RALGPS2: variants seen among roughly 807,000 people sequenced by gnomAD.
The protein encoded by RALGPS2 is ras-specific guanine nucleotide-releasing factor RalGPS2.
Under a neutral mutation model 86.8 loss-of-function variants are expected in RALGPS2, and 43 were observed. The ratio of observed to expected loss-of-function variants is 0.50; its 90% CI spans 0.39 to 0.64. RALGPS2 has a LOEUF of 0.64. Among genes scored for constraint, RALGPS2 ranks in the 30% least tolerant of loss-of-function variants. The pLI is 0.00. For missense variants in RALGPS2, 536 were observed against 694.6 expected (o/e 0.77, Z 2.57); for synonymous variants, 243 against 231.3 (o/e 1.05, Z -0.46).
chr1:178,773,768 C>CAA lies in RALGPS2; in HGVS notation c.-83-2914_-83-2913insAA, dbSNP rs201446916. Among the ~76,000 whole-genome samples the CAA allele has an allele frequency of 9.2e-3, 1,391 of 151,134 alleles. 11 individuals carry two copies. Among genetic ancestry groups the CAA allele is most frequent in the South Asian group, 0.028 (134 of 4,786 alleles). On this transcript the variant is annotated intron_variant, in intron 1 of 19. Transcript: ENST00000367635. Reference sequence around the variant, plus strand: ...CCAAGATCCCGCCACTGCACTCCAGCCTGGGCGACAGAGCAAGACTCCGTC... The same window carrying CAA: ...CCAAGATCCCGCCACTGCACTCCAGCAACTGGGCGACAGAGCAAGACTCCGTC...
At chr1:178,739,513 A>T (rs1279633768) in intron 1 of RALGPS2, among the ~76,000 whole-genome samples, 1 of 152,264 alleles carries the variant, frequency 6.6e-6, no homozygotes, top group Non-Finnish European at 1.5e-5. Flanking sequence ...AAACAGCATG[A>T]CTCAAGATGT....
intron 16 of RALGPS2, among the ~76,000 whole-genome samples, chr1:178,894,910 T>A (rs1256918702): frequency 6.6e-6 from 1 of 152,038 alleles, no homozygotes; most frequent in African/African-American, 2.4e-5. Flanking sequence ...TATTTTAGTA[T>A]TAAGTTTAGG....
intron 1 of RALGPS2, among the ~76,000 whole-genome samples, chr1:178,776,402 AT>A (rs956411527): frequency 6.6e-6 from 1 of 151,918 alleles, no homozygotes; most frequent in African/African-American, 2.4e-5. Context: ...TGTACATTTG[AT>A]TTTTTTCCCT....
At chr1:178,747,190 G>A in intron 1 of RALGPS2, 1 of 1,160,192 alleles carries the variant, frequency 8.6e-7, no homozygotes, top group South Asian at 1.2e-5. Flanking sequence ...AGCGTCCAGT[G>A]CCTGCACTAC....
chr1:178,910,944 A>G (rs183983527), intron 19 of RALGPS2, among the ~76,000 whole-genome samples: 135 of 152,138 alleles, frequency 8.9e-4, no homozygotes, highest in African/African-American at 3.0e-3. Flanking sequence ...TTTGGAACTC[A>G]TTATTGGTCT....
At chr1:178,776,919 T>A in intron 2 of RALGPS2, 98 bp downstream of exon 2, 1 of 908,772 alleles carries the variant, frequency 1.1e-6, no homozygotes, top group Non-Finnish European at 1.7e-6. Flanking sequence ...GAAGTGCATT[T>A]AGTGCAGAAA....
intron 7 of RALGPS2, among the ~76,000 whole-genome samples, chr1:178,829,148 A>G (rs867624350): frequency 6.6e-6 from 1 of 152,262 alleles, no homozygotes; most frequent in African/African-American, 2.4e-5. Flanking sequence ...AATAAGCTAG[A>G]TACAGAAAGA....
rs1426986886 is a variant in RALGPS2 at position 178,747,220 on chromosome 1, A to G, written c.-84+21801A>G. Reference sequence around the variant, plus strand: ...CACTACGGTGGATCACCACAGGTCCATGGTCAGGGTTCAAGGAGCCAGATT... The same window carrying G: ...CACTACGGTGGATCACCACAGGTCCGTGGTCAGGGTTCAAGGAGCCAGATT... On this transcript the variant is annotated intron_variant, in intron 1 of 19. Transcript: ENST00000367635. 5.2e-5 allele frequency: 71 copies of G among 1,374,276 alleles called. 3 individuals carry two copies. In the East Asian group the frequency reaches 1.4e-3, roughly 27 times the overall value. The allele number at this position is 1,374,276 out of a possible 1,614,324, so 85.1% of individuals were successfully genotyped here.
chr1:178,845,597 A>C (rs1309438132), intron 8 of RALGPS2, among the ~76,000 whole-genome samples: 4 of 152,132 alleles, frequency 2.6e-5, no homozygotes, highest in African/African-American at 9.7e-5. Context: ...CCATTGTTTC[A>C]GTGATTTTGA....
intron 8 of RALGPS2, among the ~76,000 whole-genome samples, chr1:178,858,113 G>A (rs1257377887): frequency 1.3e-5 from 2 of 152,080 alleles, no homozygotes; most frequent in East Asian, 3.8e-4. Flanking sequence ...ATAAAATTTA[G>A]CAGTGCCTAA....
chr1:178,839,832 G>T (rs1391286997), intron 8 of RALGPS2, among the ~76,000 whole-genome samples: 4 of 151,504 alleles, frequency 2.6e-5, no homozygotes, highest in Non-Finnish European at 4.4e-5. Flanking sequence ...CAAGCAAATG[G>T]AAAACAAAAA....
chr1:178,804,292 T>C (rs991541076), intron 4 of RALGPS2, among the ~76,000 whole-genome samples: 5 of 150,216 alleles, frequency 3.3e-5, no homozygotes, highest in African/African-American at 9.8e-5. Context: ...TATTTATTAT[T>C]ATACTTTAAG....
intron 18 of RALGPS2, among the ~76,000 whole-genome samples, chr1:178,903,328 T>A (rs1660256299): frequency 6.6e-6 from 1 of 152,104 alleles, no homozygotes; most frequent in African/African-American, 2.4e-5. Flanking sequence ...GTAGATTGAT[T>A]TACAGAATAA....
At chr1:178,830,398 A>T (rs1046331159) in intron 7 of RALGPS2, among the ~76,000 whole-genome samples, 3 of 152,176 alleles carry the variant, frequency 2.0e-5, no homozygotes, top group Non-Finnish European at 4.4e-5. Flanking sequence ...AATGAAACAG[A>T]ATGAAGAACC....
chr1:178,742,390 C>T (rs747226191), intron 1 of RALGPS2, among the ~76,000 whole-genome samples: 3 of 152,102 alleles, frequency 2.0e-5, no homozygotes, highest in Non-Finnish European at 4.4e-5. Flanking sequence ...ATAAAGAGGG[C>T]AGTTAATCAA....
chr1:178,779,044 A>T (rs1327189133), intron 2 of RALGPS2, among the ~76,000 whole-genome samples: 1 of 152,176 alleles, frequency 6.6e-6, no homozygotes, highest in African/African-American at 2.4e-5. Flanking sequence ...GAGGGCAATA[A>T]TGCAAGTAAG....
intron 1 of RALGPS2, among the ~76,000 whole-genome samples, chr1:178,759,556 C>T (rs1356393559): frequency 1.3e-4 from 18 of 137,188 alleles, no homozygotes; most frequent in African/African-American, 4.7e-4. Context: ...CCCAAGATTG[C>T]TTTAGCTATT....
intron 8 of RALGPS2, chr1:178,850,828 T>C (rs1657123117): frequency 4.7e-6 from 1 of 212,214 alleles, no homozygotes; most frequent in South Asian, 1.7e-4. Flanking sequence ...ATTTATGATT[T>C]AAAATATAGC....
At chr1:178,800,136 A>C (rs1168193835) in intron 4 of RALGPS2, among the ~76,000 whole-genome samples, 2 of 152,190 alleles carry the variant, frequency 1.3e-5, no homozygotes, top group Non-Finnish European at 2.9e-5. Context: ...GATGAGGAAG[A>C]AGATGTAGAA....
Sources: allele counts gnomAD v4.1 joint callset (sites outside exome capture counted in the v4.1 genomes callset), GRCh38; gene constraint gnomAD v4.1.1; transcripts MANE v1.5; gene names NCBI Gene and HGNC (gene_info 2026-07-23, HGNC 2026-07-21).